The following LGMN variants were observed in gnomAD, a reference collection of about 807,000 sequenced individuals.
LGMN encodes asparaginyl endopeptidase.
LGMN carries 36 observed loss-of-function variants against 56.8 expected under a neutral mutation model. The ratio of observed to expected loss-of-function variants is 0.63; its 90% CI spans 0.49 to 0.84. The LOEUF (loss-of-function observed/expected upper bound fraction) is 0.84, where lower values mean the gene tolerates loss of function less well. Among genes scored for constraint, LGMN ranks in the 40% least tolerant of loss-of-function variants. LGMN has a pLI of 0.00. For synonymous variants in LGMN, 199 were observed against 210.1 expected (o/e 0.95, Z 0.46); for missense variants, 446 against 556.1 (o/e 0.80, Z 1.99).
At chr14:92,708,257 A>G (rs904100323) in intron 11 of LGMN, among the ~76,000 whole-genome samples, 3 of 152,158 alleles carry the variant, frequency 2.0e-5, no homozygotes, top group Admixed American at 6.6e-5. Context: ...ATCAATAGAC[A>G]TAACCCACCA....
intron 7 of LGMN, 48 bp from the exon 8 acceptor site, chr14:92,712,919 C>T (rs760658257): frequency 9.0e-6 from 14 of 1,559,602 alleles, no homozygotes; most frequent in Non-Finnish European, 1.2e-5. Flanking sequence ...AGGTACGGGC[C>T]TCCAGCCATG....
chr14:92,715,961 G>C, intron 5 of LGMN, 175 bp downstream of exon 5: 1 of 464,950 alleles, frequency 2.2e-6, no homozygotes. Context: ...GGGCCACCAA[G>C]AGAAGCCACT....
chr14:92,740,740 T>C (rs1392044587), intron 1 of LGMN, among the ~76,000 whole-genome samples: 1 of 152,154 alleles, frequency 6.6e-6, no homozygotes, highest in Non-Finnish European at 1.5e-5. Context: ...GAAGAGCCTA[T>C]CAATGGAGTA....
In LGMN at chr14:92,719,933, G is replaced by T. The variant is rs115998105; in HGVS notation, c.139-1089C>A. On this transcript the variant is annotated intron_variant, in intron 2 of 13. Transcript: ENST00000334869. ...AGGAGAGGCGTGTGCCCAGCGATTT[G>T]TCTCCCCAAGGAAGACAGCCTGAGC... Among the ~76,000 whole-genome samples the T allele has an allele frequency of 6.4e-3, 974 of 152,328 alleles. 10 individuals carry two copies. Among genetic ancestry groups the T allele is most frequent in the African/African-American group, 0.023 (941 of 41,574 alleles).
Position 92,703,925 on chromosome 14 carries a change from GC to G in LGMN, c.*393del, listed in dbSNP as rs1889282500. The G allele has an allele frequency of 5.6e-6, 3 of 532,632 alleles. No homozygotes were observed. The highest frequency in any genetic ancestry group is 1.0e-5 in the Non-Finnish European group (3 of 300,942). The allele number at this position is 532,632 out of a possible 1,614,324, so 33.0% of individuals were successfully genotyped here. A position where few individuals can be genotyped will look rare whatever the true frequency, so the allele number is the denominator to read the frequency against. Reference sequence around the variant, plus strand: ...AACAGTTTTCCATTTGGGGCTTGCGGCCCTCTTCAATAAAATCATTCTGAAG... The same window carrying G: ...AACAGTTTTCCATTTGGGGCTTGCGGCCTCTTCAATAAAATCATTCTGAAG... On this transcript the variant is annotated 3_prime_UTR_variant, in exon 14 of 14. Coordinates refer to ENST00000334869, the MANE Select transcript of LGMN (RefSeq NM_005606.7).
intron 10 of LGMN, among the ~76,000 whole-genome samples, chr14:92,710,889 T>C (rs1889729797): frequency 1.3e-5 from 2 of 152,128 alleles, no homozygotes; most frequent in African/African-American, 4.8e-5. Flanking sequence ...ATGTCCCCCA[T>C]CCCATGCCCT....
chr14:92,722,114 C>G (rs1890505719), intron 2 of LGMN, among the ~76,000 whole-genome samples: 1 of 151,490 alleles, frequency 6.6e-6, no homozygotes, highest in African/African-American at 2.4e-5. Context: ...AATTCAGGAG[C>G]TTGGTCTCTG....
chr14:92,740,173 G>A (rs553485287), intron 1 of LGMN, among the ~76,000 whole-genome samples: 27 of 152,298 alleles, frequency 1.8e-4, no homozygotes, highest in Admixed American at 1.6e-3. Context: ...ACTTGAACCC[G>A]GGAGGCAGAG....
At position 92,720,537 on chromosome 14, in the gene LGMN, C is replaced by T. The variant is rs573043283; in HGVS notation, c.139-1693G>A. ...ACAAAATTAGCCAGGCATGGTGGTG[C>T]ATGCGTGTAATCCTAGCTACTTGGG... On this transcript the variant is annotated intron_variant, in intron 2 of 13. Transcript: ENST00000334869. Among the ~76,000 whole-genome samples the T allele has an allele frequency of 3.3e-5, 5 of 152,314 alleles. No individual in the cohort carries two copies. In the East Asian group the frequency reaches 9.6e-4, roughly 29 times the overall value.
At chr14:92,746,950 G>C (rs1323730315) in intron 1 of LGMN, among the ~76,000 whole-genome samples, 1 of 151,528 alleles carries the variant, frequency 6.6e-6, no homozygotes, top group Non-Finnish European at 1.5e-5. Context: ...GCAGGAGAAT[G>C]GCGTGGACCT....
intron 1 of LGMN, chr14:92,741,408 A>AC (rs2140279600): frequency 6.6e-6 from 1 of 152,230 alleles, no homozygotes; most frequent in African/African-American, 2.4e-5. Context: ...ATCAGGAGTG[A>AC]CCCCTCAGTG....
intron 2 of LGMN, among the ~76,000 whole-genome samples, chr14:92,719,278 A>ACCG: frequency 1.8e-5 from 1 of 55,210 alleles, no homozygotes; most frequent in East Asian, 7.0e-4. Context: ...CGCCGCCGCC[A>ACCG]CCGCCGCCGC....
chr14:92,725,646 G>A (rs1018728028), intron 2 of LGMN, among the ~76,000 whole-genome samples: 3 of 151,902 alleles, frequency 2.0e-5, no homozygotes, highest in Non-Finnish European at 4.4e-5. Flanking sequence ...CACGAACTTG[G>A]CTCACCACAA....
intron 1 of LGMN, chr14:92,741,100 T>C (rs1891532069): frequency 6.6e-6 from 1 of 151,906 alleles, no homozygotes; most frequent in Admixed American, 6.6e-5. Context: ...GGCAGGAGAA[T>C]TGCTTGAACC....
intron 1 of LGMN, among the ~76,000 whole-genome samples, chr14:92,745,382 T>C (rs916280731): frequency 8.5e-5 from 13 of 152,180 alleles, no homozygotes; most frequent in African/African-American, 2.9e-4. Flanking sequence ...GGGTGGACAT[T>C]AACCTATAGA....
chr14:92,731,291 AT>A (rs1321169706), intron 2 of LGMN, among the ~76,000 whole-genome samples: 1 of 152,250 alleles, frequency 6.6e-6, no homozygotes, highest in Non-Finnish European at 1.5e-5. Context: ...TTTTAAAAAA[AT>A]AACAGCTGTA....
At chr14:92,726,169 G>A (rs139556168) in intron 2 of LGMN, among the ~76,000 whole-genome samples, 5,477 of 151,622 alleles carry the variant, frequency 0.036, 296 homozygotes, top group African/African-American at 0.12. Flanking sequence ...CCCAGGAGGC[G>A]GAGACTGCAG....
chr14:92,745,168 C>T (rs894900964), intron 1 of LGMN, among the ~76,000 whole-genome samples: 79 of 152,224 alleles, frequency 5.2e-4, no homozygotes, highest in African/African-American at 1.9e-3. Flanking sequence ...CCAAAAATGT[C>T]GCTCAATGCT....
chr14:92,737,807 T>C (rs1444565147), intron 1 of LGMN, among the ~76,000 whole-genome samples: 1 of 152,214 alleles, frequency 6.6e-6, no homozygotes, highest in East Asian at 1.9e-4. Flanking sequence ...TATGTTCCAA[T>C]AAAACTTTAT....
Sources: gnomAD v4.1 joint callset for allele counts (sites outside exome capture counted in the v4.1 genomes callset) on GRCh38, gnomAD v4.1.1 for gene constraint, MANE v1.5 for transcripts, NCBI Gene and HGNC (gene_info 2026-07-23, HGNC 2026-07-21) for gene names.